Variants in KRT84 observed in about 807,000 individuals in gnomAD.
The protein encoded by KRT84 is keratin, type II cuticular Hb4.
KRT84 carries 38 observed loss-of-function variants against 49.0 expected under a neutral mutation model. The observed-to-expected ratio is 0.78, with a 90% CI of 0.60 to 1.02. KRT84 has a LOEUF of 1.02. Among genes scored for constraint, KRT84 ranks in the 50% least tolerant of loss-of-function variants. KRT84 has a pLI of 0.00. For missense variants in KRT84, 860 were observed against 788.6 expected, an observed-to-expected ratio of 1.09 and a Z score of -1.08; for synonymous variants, 334 against 312.8, an observed-to-expected ratio of 1.07 and a Z score of -0.72.
chr12:52,380,863 T>C (rs981771053), intron 6 of KRT84, among the ~76,000 whole-genome samples: 8 of 152,198 alleles, frequency 5.3e-5, no homozygotes, highest in Non-Finnish European at 8.8e-5. Flanking sequence ...CTGTACCACC[T>C]TCCCTGCTGG....
At chr12:52,385,974 T>C (rs1490007921), upstream of KRT84, among the ~76,000 whole-genome samples, 1 of 152,234 alleles carries the variant, frequency 6.6e-6, no homozygotes, top group East Asian at 1.9e-4. Context: ...GTTTTTTCAC[T>C]GTGAGTGTGG....
upstream of KRT84, among the ~76,000 whole-genome samples, chr12:52,386,153 C>CA (rs1395695449): frequency 6.6e-6 from 1 of 152,166 alleles, no homozygotes; most frequent in Non-Finnish European, 1.5e-5. Context: ...ATTAAATCAT[C>CA]AAAAAACCTT....
chr12:52,386,835 T>C (rs140990178), upstream of KRT84, among the ~76,000 whole-genome samples: 257 of 152,308 alleles, frequency 1.7e-3, 1 homozygote, highest in African/African-American at 5.7e-3. Flanking sequence ...TTTTCTATTC[T>C]AGTGCATCCT....
Position 52,378,220 on chromosome 12 carries a change from G to A in KRT84, c.1617C>T (p.Val539=), listed in dbSNP as rs767683700. The A allele has an allele frequency of 5.2e-5, 81 of 1,569,266 alleles. No individual in the cohort carries two copies. The highest frequency in any genetic ancestry group is 6.6e-5 in the Non-Finnish European group (76 of 1,158,680). Residue 539 remains valine, a synonymous_variant, in exon 9 of 9, where the codon GTC becomes GTT. Coordinates refer to ENST00000257951, the MANE Select transcript of KRT84 (RefSeq NM_033045.4). The part of the protein sequence containing the change: ...SCGPSLGGAR[V]APATGDLLST... ...TCAGCAGGTCCCCAGTGGCCGGGGC[G>A]ACCCGGGCTCCACCCAGGCTGGGGC...
chr12:52,385,354 G>A lies in KRT84; in HGVS notation c.232C>T (p.Arg78Cys), dbSNP rs761343317. The part of the protein sequence containing the change: ...VGSRPIHCGV[R>C]FGAGCGMGFG... ...CCCATCCCACAGCCAGCACCAAAGC[G>A]GACTCCACAGTGGATGGGCCGAGAG... The change falls in exon 1 of 9, where the codon CGC becomes TGC. Residue 78 changes from arginine to cysteine, a missense_variant. Coordinates refer to ENST00000257951, the MANE Select transcript of KRT84 (RefSeq NM_033045.4). 1.9e-5 allele frequency: 30 copies of A among 1,614,030 alleles called. No homozygotes were observed. The highest frequency in any genetic ancestry group is 1.8e-4 in the Admixed American group (11 of 59,998).
chr12:52,382,858 T>C, intron 3 of KRT84, 147 bp downstream of exon 3: 2 of 688,280 alleles, frequency 2.9e-6, no homozygotes, highest in Non-Finnish European at 5.2e-6. Context: ...AGGAAATCTC[T>C]TGTTATCTCT....
At chr12:52,381,731 T>C (rs950201385) in intron 4 of KRT84, among the ~76,000 whole-genome samples, 1 of 152,210 alleles carries the variant, frequency 6.6e-6, no homozygotes, top group African/African-American at 2.4e-5. Flanking sequence ...TGTGATCTAC[T>C]CAGAAACATC....
intron 7 of KRT84, 121 bp downstream of exon 7, chr12:52,380,242 A>G: frequency 8.3e-7 from 1 of 1,206,100 alleles, no homozygotes; most frequent in Non-Finnish European, 1.2e-6. Flanking sequence ...GTTTGCAGAG[A>G]AGGTATTGTC....
chr12:52,378,356 A>G lies in KRT84; in HGVS notation c.1481T>C (p.Leu494Pro), dbSNP rs918993527. 2 of 1,480,440 alleles carry G rather than the reference A, an allele frequency of 1.4e-6. No individual in the cohort carries two copies. Among genetic ancestry groups the G allele is most frequent in the Non-Finnish European group, 1.8e-6 (2 of 1,119,374 alleles). The allele number at this position is 1,480,440 out of a possible 1,614,324, so 91.7% of individuals were successfully genotyped here. Residue 494 changes from leucine to proline, a missense_variant, in exon 9 of 9, where the codon CTG becomes CCG. Leu to Pro is a moderately conservative substitution (Grantham distance 98). Coordinates refer to ENST00000257951, the MANE Select transcript of KRT84 (RefSeq NM_033045.4). The stretch of plus-strand genomic sequence containing the variant: ...AACCAAAGGCTCAGGCCCGCACACC[A>G]GGCCGCCCCGGGAGCTGCTGACGGC... ...NISVSSSRGG[L>P]VCGPEPLVAG...
chr12:52,381,334 A>G (rs201514187), intron 5 of KRT84, 27 bp downstream of exon 5: 111 of 1,613,774 alleles, frequency 6.9e-5, no homozygotes, highest in Non-Finnish European at 9.1e-5. Flanking sequence ...AGCTGCCTAC[A>G]TCCCTTCCCC....
At position 52,378,068 on chromosome 12, in the gene KRT84, A is replaced by C. The variant is rs1011980177; in HGVS notation, c.1769T>G (p.Val590Gly). The C allele has an allele frequency of 4.0e-6, 6 of 1,493,346 alleles. No homozygotes were observed. The highest frequency in any genetic ancestry group is 5.3e-6 in the Non-Finnish European group (6 of 1,124,956). The allele number at this position is 1,493,346 out of a possible 1,614,324, so 92.5% of individuals were successfully genotyped here. A position where few individuals can be genotyped will look rare whatever the true frequency, so the allele number is the denominator to read the frequency against. Reference sequence around the variant, plus strand: ...GGTCCGGCAGGAGGTGGTGGTGGACACAAAGCGGACGCTGGAGCTGCGGCC... The same window carrying C: ...GGTCCGGCAGGAGGTGGTGGTGGACCCAAAGCGGACGCTGGAGCTGCGGCC... Reference protein sequence around the residue: ...SGGRSSSVRFVSTTTSCRTKY With the variant: ...SGGRSSSVRFGSTTTSCRTKY The change falls in exon 9 of 9, where the codon GTG becomes GGG. Residue 590 changes from valine (V) to glycine (G), a missense_variant. Val to Gly is a moderately radical substitution (Grantham distance 109). Coordinates refer to ENST00000257951, the MANE Select transcript of KRT84 (RefSeq NM_033045.4).
In KRT84 at chr12:52,378,418, C is replaced by T. The variant is rs375233190; in HGVS notation, c.1457-38G>A. On this transcript the variant is annotated intron_variant, in intron 8 of 8. Transcript: ENST00000257951. ...AAAGCATCAGGGAGGCTGCCGACAC[C>T]AGGGCCCTCCACCTCCATGCTACCC... 152 of 1,409,186 alleles carry T rather than the reference C, an allele frequency of 1.1e-4. No individual in the cohort carries two copies. The African/African-American group carries it at 2.0e-3, about 19-fold the overall frequency. The allele number at this position is 1,409,186 out of a possible 1,614,324, so 87.3% of individuals were successfully genotyped here. A position where few individuals can be genotyped will look rare whatever the true frequency, so the allele number is the denominator to read the frequency against.
At chr12:52,382,961 C>T (rs1438666938) in intron 3 of KRT84, 44 bp downstream of exon 3, 26 of 1,565,346 alleles carry the variant, frequency 1.7e-5, no homozygotes, top group Non-Finnish European at 2.2e-5. Context: ...AGAACATTTG[C>T]CGGTCCAGAG....
chr12:52,378,392 G>A lies in KRT84; in HGVS notation c.1457-12C>T, dbSNP rs1404056149. On this transcript the variant is annotated splice_polypyrimidine_tract_variant and intron_variant, in intron 8 of 8. Coordinates refer to ENST00000257951, the MANE Select transcript of KRT84 (RefSeq NM_033045.4). ...GGAGCTGCTGACGGCTGCGGAGAAA[G>A]AAAGCATCAGGGAGGCTGCCGACAC... 6.9e-7 allele frequency: 1 copy of A among 1,450,180 alleles called. No individual in the cohort carries two copies. Among genetic ancestry groups the A allele is most frequent in the Admixed American group, 2.5e-5 (1 of 39,634 alleles). The allele number at this position is 1,450,180 out of a possible 1,614,324, so 89.8% of individuals were successfully genotyped here. A position where few individuals can be genotyped will look rare whatever the true frequency, so the allele number is the denominator to read the frequency against.
chr12:52,384,007 G>C (rs954852803), intron 1 of KRT84, among the ~76,000 whole-genome samples: 2 of 152,206 alleles, frequency 1.3e-5, no homozygotes, highest in African/African-American at 4.8e-5. Flanking sequence ...TTACCAATAT[G>C]GGGTTTTGAA....
At chr12:52,385,719 G>GA (rs1007715893), upstream of KRT84, 11 of 894,546 alleles carry the variant, frequency 1.2e-5, no homozygotes, top group Admixed American at 8.1e-5. Flanking sequence ...CCATAAAAAT[G>GA]AAAAAATCCA....
intron 1 of KRT84, among the ~76,000 whole-genome samples, chr12:52,384,818 C>T (rs1236828347): frequency 6.6e-6 from 1 of 152,194 alleles, no homozygotes; most frequent in Non-Finnish European, 1.5e-5. Flanking sequence ...GATATCAACA[C>T]TGTCGGAATC....
rs776703760 is a variant in KRT84 at position 52,385,547 on chromosome 12, C to T, written c.39G>A (p.Arg13=). Residue 13 remains arginine (R), a synonymous_variant, in exon 1 of 9, where the codon CGG becomes CGA. Transcript: ENST00000257951. ...CTGAACAAGAGCTGAAGTTGCCCAC[C>T]CGGTGACCAGAGCTGACTCGGTAGG... The part of the protein sequence containing the change: ...CRSYRVSSGH[R]VGNFSSCSAM... 16 of 1,613,938 alleles carry T rather than the reference C, an allele frequency of 9.9e-6. No homozygotes were observed. Among genetic ancestry groups the T allele is most frequent in the African/African-American group, 2.7e-5 (2 of 74,920 alleles).
chr12:52,382,403 C>T, intron 4 of KRT84, 34 bp downstream of exon 4: 2 of 1,429,412 alleles, frequency 1.4e-6, no homozygotes, highest in East Asian at 2.3e-5. Flanking sequence ...AAGCATTGAT[C>T]TCCTTGGGTG....
Sources: allele counts gnomAD v4.1 joint callset (sites outside exome capture counted in the v4.1 genomes callset), GRCh38; gene constraint gnomAD v4.1.1; transcripts MANE v1.5; gene names NCBI Gene and HGNC (gene_info 2026-07-23, HGNC 2026-07-21).